The following PHF3 variants were observed in gnomAD, a reference collection of about 807,000 sequenced individuals.
PHF3 encodes the protein PHD finger protein 3.
In PHF3, 41 loss-of-function variants were observed where a neutral mutation model predicts 178.4. That is an observed-to-expected ratio of 0.23 (90% CI 0.18 to 0.30). The LOEUF is 0.30. Among genes scored for constraint, PHF3 ranks in the 10% least tolerant of loss-of-function variants. The pLI is 1.00. For synonymous variants in PHF3, 842 were observed against 800.5 expected, an observed-to-expected ratio of 1.05 and a Z score of -0.88; for missense variants, 2,346 against 2,398.1, an observed-to-expected ratio of 0.98 and a Z score of 0.45.
chr6:63,696,938 C>T (rs1767254431), intron 6 of PHF3, among the ~76,000 whole-genome samples: 1 of 151,912 alleles, frequency 6.6e-6, no homozygotes, highest in Non-Finnish European at 1.5e-5. Context: ...AGATAACTCT[C>T]AGGGAGTTTT....
chr6:63,709,996 G>A (rs1316003044), intron 14 of PHF3, among the ~76,000 whole-genome samples: 1 of 152,100 alleles, frequency 6.6e-6, no homozygotes, highest in African/African-American at 2.4e-5. Flanking sequence ...CCCTCCACGG[G>A]ATGTGATAGT....
chr6:63,725,855 A>G lies in PHF3; in HGVS notation c.*12147A>G, dbSNP rs914191033. ...AAAATTGTTTCTCATTTTCTGAGAG[A>G]CAAGATCAAAGAAAGTCAAATGTAA... On this transcript the variant is annotated 3_prime_UTR_variant, in exon 16 of 16. Transcript: ENST00000262043. Among the ~76,000 whole-genome samples the G allele has an allele frequency of 2.1e-4, 32 of 152,172 alleles. No homozygotes were observed. Among genetic ancestry groups the G allele is most frequent in the African/African-American group, 2.7e-4 (11 of 41,456 alleles).
Position 63,684,266 on chromosome 6 carries a change from A to G in PHF3, c.544A>G (p.Lys182Glu). Residue 182 changes from lysine (K) to glutamate (E), a missense_variant, in exon 4 of 16, where the codon AAA (lysine) becomes GAA (glutamate). Physicochemically the swap from Lys to Glu is moderately conservative, Grantham distance 56. Around this residue, in one of 8 missense-constraint regions of PHF3, gnomAD observed 843 missense variants for 795.2 expected, o/e 1.06. Coordinates refer to ENST00000262043, the MANE Select transcript of PHF3 (RefSeq NM_001370348.2). ...GAAACAACCAGAAAGGAGTCAGGTT[A>G]AAGAAGAAGTATGTATGTCACTGAA... ...GVKQPERSQV[K>E]EEVCMSLKPE... 6.2e-7 allele frequency: 1 copy of G among 1,614,036 alleles called. No homozygotes were observed. Among genetic ancestry groups the G allele is most frequent in the Non-Finnish European group, 8.5e-7 (1 of 1,179,888 alleles).
At chr6:63,645,823 A>T (rs1177868636) in intron 1 of PHF3, among the ~76,000 whole-genome samples, 3 of 152,250 alleles carry the variant, frequency 2.0e-5, no homozygotes, top group Admixed American at 6.5e-5. Context: ...ATAAATCTAA[A>T]TACATGATGT....
intron 2 of PHF3, among the ~76,000 whole-genome samples, chr6:63,654,775 A>G (rs1431878576): frequency 2.0e-5 from 3 of 152,126 alleles, no homozygotes; most frequent in African/African-American, 4.8e-5. Flanking sequence ...CCAAAATGGA[A>G]TAATAGGTTC....
rs1290793389 is a variant in PHF3 at position 63,723,036 on chromosome 6, C to T, written c.*9328C>T. Among the ~76,000 whole-genome samples the T allele has an allele frequency of 2.0e-5, 3 of 152,106 alleles. No homozygotes were observed. Among genetic ancestry groups the T allele is most frequent in the Admixed American group, 6.6e-5 (1 of 15,262 alleles). On this transcript the variant is annotated 3_prime_UTR_variant, in exon 16 of 16. Coordinates refer to ENST00000262043, the MANE Select transcript of PHF3 (RefSeq NM_001370348.2). ...AACAGTTGATTCCCAGCACCCAAAA[C>T]GGTATCTGGCCCATAAATAGATGCT...
At chr6:63,658,045 C>G (rs974890016) in intron 2 of PHF3, among the ~76,000 whole-genome samples, 5 of 152,174 alleles carry the variant, frequency 3.3e-5, no homozygotes, top group Non-Finnish European at 7.3e-5. Context: ...ACTTTGAGTT[C>G]AATGCTTGGT....
chr6:63,640,426 C>T (rs1764524344), intron 1 of PHF3, among the ~76,000 whole-genome samples: 1 of 152,142 alleles, frequency 6.6e-6, no homozygotes, highest in African/African-American at 2.4e-5. Flanking sequence ...ACTTTAGCCC[C>T]TCTCTTGTAA....
In PHF3 at chr6:63,713,094, C is replaced by A. The variant is rs1322929050; in HGVS notation, c.5506C>A (p.Pro1836Thr). ...CATGTTTGGATTTCCACCACATTTGCCACCTCCATTACTTCCCCCTCCAGG... is the reference window on the plus strand; with the variant it reads ...CATGTTTGGATTTCCACCACATTTGACACCTCCATTACTTCCCCCTCCAGG... The part of the protein sequence containing the change: ...QSMFGFPPHL[P>T]PPLLPPPGFG... Residue 1836 changes from proline (P) to threonine (T), a missense_variant, in exon 16 of 16, where the codon CCA becomes ACA. Physicochemically the swap from Pro to Thr is conservative, Grantham distance 38 (BLOSUM62 -1). Coordinates refer to ENST00000262043, the MANE Select transcript of PHF3 (RefSeq NM_001370348.2). The A allele has an allele frequency of 6.2e-7, 1 of 1,614,010 alleles. No individual in the cohort carries two copies.
At chr6:63,636,249 C>T in intron 1 of PHF3, 99 bp downstream of exon 1, 2 of 295,996 alleles carry the variant, frequency 6.8e-6, no homozygotes, top group Non-Finnish European at 1.2e-5. Context: ...CTCCGCCCCT[C>T]CCGCGGCGGA....
intron 4 of PHF3, among the ~76,000 whole-genome samples, chr6:63,687,372 C>G (rs929660505): frequency 6.6e-6 from 1 of 152,124 alleles, no homozygotes; most frequent in Admixed American, 6.5e-5. Context: ...TGCAGTGAGC[C>G]GACATTGAGC....
At chr6:63,680,672 T>C (rs1766396460) in intron 3 of PHF3, among the ~76,000 whole-genome samples, 1 of 152,094 alleles carries the variant, frequency 6.6e-6, no homozygotes, top group African/African-American at 2.4e-5. Flanking sequence ...TTAAGTGTTT[T>C]AGTTTCTCAG....
intron 2 of PHF3, among the ~76,000 whole-genome samples, chr6:63,649,279 G>T (rs1015579962): frequency 2.6e-5 from 4 of 152,042 alleles, no homozygotes; most frequent in African/African-American, 9.7e-5. Context: ...TGAAAACCCT[G>T]TGTGGACAGG....
intron 8 of PHF3, among the ~76,000 whole-genome samples, chr6:63,699,575 A>G (rs1379348230): frequency 6.6e-6 from 1 of 151,822 alleles, no homozygotes; most frequent in African/African-American, 2.4e-5. Context: ...TTAAATAAAG[A>G]TTTATTTCCC....
chr6:63,723,301 AAAT>A lies in PHF3; in HGVS notation c.*9595_*9597del, dbSNP rs1768477933. The stretch of plus-strand genomic sequence containing the variant: ...ATAAACTTTCAGATTAGGAAAGAAA[AAAT>A]ATACATTGGGTTATACCACCAAAAA... On this transcript the variant is annotated 3_prime_UTR_variant, in exon 16 of 16. Coordinates refer to ENST00000262043, the MANE Select transcript of PHF3 (RefSeq NM_001370348.2). Among the ~76,000 whole-genome samples the A allele has an allele frequency of 6.6e-6, 1 of 152,204 alleles. No homozygotes were observed. The highest frequency in any genetic ancestry group is 1.5e-5 in the Non-Finnish European group (1 of 68,042).
At chr6:63,644,130 G>A (rs1764685158) in intron 1 of PHF3, among the ~76,000 whole-genome samples, 1 of 152,130 alleles carries the variant, frequency 6.6e-6, no homozygotes, top group Admixed American at 6.5e-5. Flanking sequence ...TACTTTTTCA[G>A]TAGATTCAGT....
In PHF3 at chr6:63,714,164, A is replaced by G. The variant is rs898566249; in HGVS notation, c.*456A>G. The G allele has an allele frequency of 3.9e-5, 6 of 153,802 alleles. No homozygotes were observed. Among genetic ancestry groups the G allele is most frequent in the South Asian group, 2.1e-4 (1 of 4,878 alleles). 9.5% of individuals were successfully genotyped at this position (153,802 alleles called of 1,614,324 possible). On this transcript the variant is annotated 3_prime_UTR_variant, in exon 16 of 16. Transcript: ENST00000262043. ...ACTGTAGAGGAGCAACAAAAATCCAAGCAACTTCATAATCAGATTATGCTA... is the reference window on the plus strand; with the variant it reads ...ACTGTAGAGGAGCAACAAAAATCCAGGCAACTTCATAATCAGATTATGCTA...
chr6:63,706,642 C>T (rs1767706252), intron 12 of PHF3, 87 bp from the exon 13 acceptor site: 3 of 1,309,458 alleles, frequency 2.3e-6, no homozygotes, highest in Non-Finnish European at 3.2e-6. Flanking sequence ...GCCTTCTTCA[C>T]ATGCTAAAAT....
At chr6:63,667,843 T>C (rs1173736769) in intron 2 of PHF3, among the ~76,000 whole-genome samples, 1 of 152,238 alleles carries the variant, frequency 6.6e-6, no homozygotes. Flanking sequence ...GTCAAACATA[T>C]TTGGCATTCG....
Sources: allele counts gnomAD v4.1 joint callset (sites outside exome capture counted in the v4.1 genomes callset), GRCh38; gene constraint gnomAD v4.1.1; regional missense constraint gnomAD v4.1.1; transcripts MANE v1.5; gene names NCBI Gene and HGNC (gene_info 2026-07-23, HGNC 2026-07-21).